Variants in BTK observed in about 807,000 individuals in gnomAD.
The protein encoded by BTK is Bruton tyrosine kinase.
In BTK, 5 loss-of-function variants were observed where a neutral mutation model predicts 57.4. The ratio of observed to expected loss-of-function variants is 0.09; its 90% confidence interval spans 0.05 to 0.18. The LOEUF is 0.18. Ranked by LOEUF, BTK falls within the 10% of genes least tolerant of loss-of-function variation. The pLI is 1.00. For missense variants in BTK, 194 were observed against 501.2 expected, an observed-to-expected ratio of 0.39 and a Z score of 5.85; for synonymous variants, 154 against 174.3, an observed-to-expected ratio of 0.88 and a Z score of 0.92.
intron 10 of BTK, 79 bp downstream of exon 10, chrX:101,359,214 T>A (rs2147430822): frequency 9.5e-7 from 1 of 1,056,282 alleles, no homozygotes; most frequent in Non-Finnish European, 1.3e-6. Context: ...TGCCCAAAGG[T>A]AGGGGGCAGA....
At position 101,373,314 on chromosome X, in the gene BTK, T is replaced by C. The variant is rs781860713; in HGVS notation, c.240+1222A>G. Among the ~76,000 whole-genome samples the C allele has an allele frequency of 2.8e-3, 313 of 112,027 alleles. 1 individual carries two copies. The highest frequency in any genetic ancestry group is 9.6e-3 in the African/African-American group (295 of 30,879). ...AAAGAATAAAAAAAGTACAGAAAGA[T>C]GTATGCAAGATTGTTCCTCTCAACA... On this transcript the variant is annotated intron_variant, in intron 3 of 18. Coordinates refer to ENST00000308731, the MANE Select transcript of BTK (RefSeq NM_000061.3).
At chrX:101,350,390 G>A (rs1926237122) in intron 18 of BTK, among the ~76,000 whole-genome samples, 1 of 97,077 alleles carries the variant, frequency 1.0e-5, no homozygotes, top group Admixed American at 1.1e-4. Flanking sequence ...GGGATTCTGA[G>A]TACCTGGGAC....
At chrX:101,364,396 C>T (rs1555979176) in intron 5 of BTK, among the ~76,000 whole-genome samples, 3 of 83,778 alleles carry the variant, frequency 3.6e-5, no homozygotes, top group Non-Finnish European at 6.6e-5. Flanking sequence ...CCAACAGGAA[C>T]GAAACTCCAA....
Position 101,349,792 on chromosome X carries a change from G to C in BTK, c.*93C>G. 3.8e-6 allele frequency: 3 copies of C among 786,598 alleles called. No homozygotes were observed. The highest frequency in any genetic ancestry group is 5.8e-6 in the Non-Finnish European group (3 of 515,338). The allele number at this position is 786,598 out of a possible 1,213,427, so 64.8% of individuals were successfully genotyped here. A position where few individuals can be genotyped will look rare whatever the true frequency, so the allele number is the denominator to read the frequency against. The stretch of plus-strand genomic sequence containing the variant: ...TTTTGTATTGAGTGGGAGCACAAAG[G>C]CTCCAGGGCTCCTAAGCTTGGGATT... On this transcript the variant is annotated 3_prime_UTR_variant, in exon 19 of 19. Transcript: ENST00000308731.
Position 101,353,525 on chromosome X carries a change from C to T in BTK, c.1751-174G>A, listed in dbSNP as rs909576181. Among the ~76,000 whole-genome samples the T allele has an allele frequency of 1.2e-4, 13 of 111,225 alleles. 1 individual carries two copies. The highest frequency in any genetic ancestry group is 2.9e-4 in the Admixed American group (3 of 10,304). On this transcript the variant is annotated intron_variant, in intron 17 of 18. Transcript: ENST00000308731. ...GACCACACTAGATGGAGATCAAGGTCGTACTAGACTATTAACTCCTCTAGA... is the reference window on the plus strand; with the variant it reads ...GACCACACTAGATGGAGATCAAGGTTGTACTAGACTATTAACTCCTCTAGA...
In BTK at chrX:101,375,476, G is replaced by T. The variant is rs3027625; in HGVS notation, c.-30-162C>A. ...CTCCCACAGCCCCCAGCTCTGTCAG[G>T]TTTCAGGTATAATGGATGCACACTG... On this transcript the variant is annotated intron_variant, in intron 1 of 18. Coordinates refer to ENST00000308731, the MANE Select transcript of BTK (RefSeq NM_000061.3). Among the ~76,000 whole-genome samples the T allele has an allele frequency of 6.6e-3, 739 of 111,844 alleles. 5 individuals are homozygous for T. Among genetic ancestry groups the T allele is most frequent in the African/African-American group, 0.023 (714 of 30,796 alleles).
rs1555978503 is a variant in BTK at position 101,360,716 on chromosome X, G to T, written c.628C>A (p.Pro210Thr). ...TTTTTCAGCTCACTTGTGGAGACTG[G>T]TGCTGCTGCTGGCTCAGGCGGTAGT... ...KPLPPEPAAA[P>T]VSTSELKKVV... is the part of the protein sequence containing the mutation. Residue 210 changes from proline (P) to threonine (T), a missense_variant, in exon 8 of 19, where the codon CCA becomes ACA. Pro to Thr is a conservative substitution (Grantham distance 38). Around this residue, in one of 3 missense-constraint regions of BTK, gnomAD observed 115 missense variants for 258.3 expected, o/e 0.45. Transcript: ENST00000308731. 8.3e-7 allele frequency: 1 copy of T among 1,211,742 alleles called. No individual in the cohort carries two copies. Among genetic ancestry groups the T allele is most frequent in the East Asian group, 3.0e-5 (1 of 33,847 alleles).
intron 1 of BTK, among the ~76,000 whole-genome samples, chrX:101,383,810 C>T (rs1456019086): frequency 9.0e-6 from 1 of 111,560 alleles, no homozygotes; most frequent in Non-Finnish European, 1.9e-5. Flanking sequence ...CCAATGCTCT[C>T]AGATTGCCCT....
Sources: allele counts gnomAD v4.1 joint callset (sites outside exome capture counted in the v4.1 genomes callset), GRCh38; gene constraint gnomAD v4.1.1; regional missense constraint gnomAD v4.1.1; transcripts MANE v1.5; gene names NCBI Gene and HGNC (gene_info 2026-07-23, HGNC 2026-07-21).